Variants in TRIO observed in about 807,000 individuals in gnomAD.
TRIO encodes the protein trio Rho guanine nucleotide exchange factor.
Under a neutral mutation model 351.9 loss-of-function variants are expected in TRIO, and 58 were observed. The ratio of observed to expected loss-of-function variants is 0.16; its 90% CI spans 0.13 to 0.21. The LOEUF (loss-of-function observed/expected upper bound fraction) is 0.21. TRIO is among the 10% of genes least tolerant of loss of function. The pLI, the probability that TRIO is intolerant of heterozygous loss-of-function variation, is 1.00. For missense variants in TRIO, 3,201 were observed against 4,027.8 expected (o/e 0.79, Z 5.56); for synonymous variants, 1,758 against 1,595.7 (o/e 1.10, Z -2.42).
In TRIO at chr5:14,498,155, G is replaced by A. The variant is rs1274392898; in HGVS notation, c.8114G>A (p.Arg2705Lys). 1 of 1,614,226 alleles carries A rather than the reference G, an allele frequency of 6.2e-7. No homozygotes were observed. Among genetic ancestry groups the A allele is most frequent in the South Asian group, 1.1e-5 (1 of 91,084 alleles). Residue 2705 changes from arginine to lysine, a missense_variant, in exon 52 of 57, where the codon AGA becomes AAA. By Grantham distance (26) the Arg-to-Lys change is conservative. Around this residue, in one of 19 missense-constraint regions of TRIO, gnomAD observed 1,089 missense variants for 954.9 expected, o/e 1.14. Transcript: ENST00000344204. ...TCETGETVVL[R>K]CRVCGRPKAS... is the part of the protein sequence containing the mutation. ...GAGACAGGGGAGACCGTTGTTCTTA[G>A]ATGTCGAGTCTGTGGCCGCCCCAAA... is the stretch of plus-strand genomic sequence containing the variant.
At chr5:14,213,580 G>C (rs750966482) in intron 1 of TRIO, among the ~76,000 whole-genome samples, 11 of 152,010 alleles carry the variant, frequency 7.2e-5, no homozygotes, top group Non-Finnish European at 1.3e-4. Flanking sequence ...GATATGAGTG[G>C]GAAAAGTATT....
At chr5:14,283,998 T>G (rs1482857865) in intron 3 of TRIO, among the ~76,000 whole-genome samples, 1 of 152,174 alleles carries the variant, frequency 6.6e-6, no homozygotes, top group East Asian at 1.9e-4. Flanking sequence ...CTGCCTTCTT[T>G]AGAATGATTT....
At chr5:14,249,597 T>A (rs1421885787) in intron 1 of TRIO, among the ~76,000 whole-genome samples, 1 of 152,150 alleles carries the variant, frequency 6.6e-6, no homozygotes, top group Non-Finnish European at 1.5e-5. Context: ...GATGGTGAGA[T>A]GGAGAGCAGC....
intron 23 of TRIO, 125 bp from the exon 24 acceptor site, chr5:14,388,488 C>A: frequency 1.1e-6 from 1 of 935,382 alleles, no homozygotes; most frequent in South Asian, 1.7e-5. Context: ...TGATTCACCT[C>A]TCCAAAATGA....
In TRIO at chr5:14,279,197, C is replaced by T. The variant is rs374899185; in HGVS notation, c.233-1125C>T. Among the ~76,000 whole-genome samples the T allele has an allele frequency of 2.0e-5, 3 of 152,166 alleles. No individual in the cohort carries two copies. In the South Asian group the frequency reaches 6.2e-4, roughly 32 times the overall value. On this transcript the variant is annotated intron_variant, in intron 2 of 56. Coordinates refer to ENST00000344204, the MANE Select transcript of TRIO (RefSeq NM_007118.4). ...ATGACTGAACAGTACATGTGGATTGCTTTAAGTATTCCCAATCAAAATGAA... is the reference window on the plus strand; with the variant it reads ...ATGACTGAACAGTACATGTGGATTGTTTTAAGTATTCCCAATCAAAATGAA...
intron 1 of TRIO, among the ~76,000 whole-genome samples, chr5:14,149,579 G>C (rs1383761817): frequency 6.6e-6 from 1 of 152,118 alleles, no homozygotes; most frequent in Non-Finnish European, 1.5e-5. Context: ...ACGAGCGGGG[G>C]GCAGAGGGCA....
chr5:14,208,143 T>C (rs749310798), intron 1 of TRIO, among the ~76,000 whole-genome samples: 1 of 151,952 alleles, frequency 6.6e-6, no homozygotes, highest in East Asian at 1.9e-4. Context: ...GAACCAGCAG[T>C]TTCACTCCTG....
At chr5:14,455,101 C>T (rs909692785) in intron 34 of TRIO, among the ~76,000 whole-genome samples, 2 of 152,106 alleles carry the variant, frequency 1.3e-5, no homozygotes, top group Non-Finnish European at 2.9e-5. Context: ...AAAGGCAGTG[C>T]GGACCCAAAG....
At chr5:14,327,532 T>G (rs1740495746) in intron 9 of TRIO, among the ~76,000 whole-genome samples, 1 of 152,164 alleles carries the variant, frequency 6.6e-6, no homozygotes, top group Non-Finnish European at 1.5e-5. Context: ...CCAAATAATG[T>G]TTATCTTTTA....
At chr5:14,412,707 A>G (rs1749305892) in intron 33 of TRIO, among the ~76,000 whole-genome samples, 1 of 152,182 alleles carries the variant, frequency 6.6e-6, no homozygotes, top group South Asian at 2.1e-4. Flanking sequence ...TGAGTCATTT[A>G]ATTCAGAAGC....
At chr5:14,223,697 C>G (rs1792796518) in intron 1 of TRIO, among the ~76,000 whole-genome samples, 2 of 152,196 alleles carry the variant, frequency 1.3e-5, no homozygotes, top group African/African-American at 4.8e-5. Flanking sequence ...CGGTGTGCAG[C>G]TGTGCATTCT....
chr5:14,437,041 A>G (rs929277585), intron 34 of TRIO, among the ~76,000 whole-genome samples: 5 of 152,194 alleles, frequency 3.3e-5, no homozygotes, highest in Non-Finnish European at 7.3e-5. Flanking sequence ...TCTGCAATCT[A>G]TCAACAAAGG....
At chr5:14,289,848 CA>C (rs963330153) in intron 4 of TRIO, among the ~76,000 whole-genome samples, 24 of 147,930 alleles carry the variant, frequency 1.6e-4, no homozygotes, top group African/African-American at 4.5e-4. Flanking sequence ...GACTCCATCT[CA>C]AAAAAAAATA....
intron 1 of TRIO, among the ~76,000 whole-genome samples, chr5:14,260,665 G>A (rs1254239577): frequency 6.6e-6 from 1 of 152,118 alleles, no homozygotes; most frequent in East Asian, 1.9e-4. Context: ...TTTGTTTGTG[G>A]CATTTACTTT....
intron 4 of TRIO, among the ~76,000 whole-genome samples, chr5:14,287,357 T>C (rs1736539154): frequency 6.6e-6 from 1 of 152,198 alleles, no homozygotes; most frequent in Non-Finnish European, 1.5e-5. Context: ...ATATTTCACT[T>C]GACAAACAGC....
intron 31 of TRIO, among the ~76,000 whole-genome samples, chr5:14,405,064 A>C (rs1181702181): frequency 6.6e-6 from 1 of 152,148 alleles, no homozygotes; most frequent in Non-Finnish European, 1.5e-5. Flanking sequence ...AGAAAGAAAA[A>C]AAAAACCTCC....
chr5:14,224,700 C>T (rs913810676), intron 1 of TRIO, among the ~76,000 whole-genome samples: 1 of 151,822 alleles, frequency 6.6e-6, no homozygotes, highest in Non-Finnish European at 1.5e-5. Flanking sequence ...AGTTCAGTTG[C>T]CAGAAATGAT....
At position 14,148,137 on chromosome 5, in the gene TRIO, A is replaced by C. The variant is rs182422165; in HGVS notation, c.157+4255A>C. ...TTTGCAATTTAACTATTTAAGATTC[A>C]AATGAAAATTTAAAGAAGCCATTTC... is the stretch of plus-strand genomic sequence containing the variant. On this transcript the variant is annotated intron_variant, in intron 1 of 56. Transcript: ENST00000344204. 5.3e-5 allele frequency among the ~76,000 whole-genome samples: 8 copies of C among 152,360 alleles called. No individual in the cohort carries two copies. In the East Asian group the frequency reaches 1.5e-3, roughly 29 times the overall value.
At chr5:14,171,458 A>C (rs1199158193) in intron 1 of TRIO, among the ~76,000 whole-genome samples, 1 of 152,228 alleles carries the variant, frequency 6.6e-6, no homozygotes, top group Non-Finnish European at 1.5e-5. Context: ...TAACATTTGA[A>C]TGTAGACCAT....
Sources: allele counts gnomAD v4.1 joint callset (sites outside exome capture counted in the v4.1 genomes callset), GRCh38; gene constraint gnomAD v4.1.1; regional missense constraint gnomAD v4.1.1; transcripts MANE v1.5; gene names NCBI Gene and HGNC (gene_info 2026-07-23, HGNC 2026-07-21).